The following CDYL2 variants were observed in gnomAD, a reference collection of about 807,000 sequenced individuals.
CDYL2 encodes the protein chromodomain Y like 2.
In CDYL2, 23 loss-of-function variants were observed where a neutral mutation model predicts 49.4. The observed-to-expected ratio is 0.47, with a 90% CI of 0.34 to 0.66. The LOEUF (loss-of-function observed/expected upper bound fraction) is 0.66. CDYL2 is among the 30% of genes least tolerant of loss of function. The pLI, the probability that CDYL2 is intolerant of heterozygous loss-of-function variation, is 0.01. For missense variants in CDYL2, 678 were observed against 656.4 expected (o/e 1.03, Z -0.36); for synonymous variants, 360 against 268.8 (o/e 1.34, Z -3.32).
Position 80,710,553 on chromosome 16 carries a change from G to A in CDYL2, c.25-25424C>T, listed in dbSNP as rs150764381. On this transcript the variant is annotated intron_variant, in intron 1 of 6. Coordinates refer to ENST00000570137, the MANE Select transcript of CDYL2 (RefSeq NM_152342.4). Reference sequence around the variant, plus strand: ...CAAACATTTTAACTGAAAAGACTATGTAACCAAGTAGTAAATAACTACAGT... The same window carrying A: ...CAAACATTTTAACTGAAAAGACTATATAACCAAGTAGTAAATAACTACAGT... Among the ~76,000 whole-genome samples the A allele has an allele frequency of 5.3e-3, 805 of 152,266 alleles. 8 individuals carry two copies. Among genetic ancestry groups the A allele is most frequent in the African/African-American group, 0.018 (730 of 41,546 alleles).
intron 1 of CDYL2, among the ~76,000 whole-genome samples, chr16:80,719,807 G>C (rs1269093381): frequency 6.6e-6 from 1 of 152,204 alleles, no homozygotes; most frequent in Admixed American, 6.5e-5. Flanking sequence ...GCCCGTGTCT[G>C]TCCACACAGG....
chr16:80,623,560 C>T (rs551662197), intron 3 of CDYL2, among the ~76,000 whole-genome samples: 33 of 152,326 alleles, frequency 2.2e-4, no homozygotes, highest in African/African-American at 7.0e-4. Context: ...TGGACCCCAG[C>T]CCAGACCGAC....
At chr16:80,792,043 T>C (rs1907627126) in intron 1 of CDYL2, among the ~76,000 whole-genome samples, 1 of 152,192 alleles carries the variant, frequency 6.6e-6, no homozygotes, top group African/African-American at 2.4e-5. Context: ...ACATGGCATC[T>C]GCGCAAAACA....
intron 3 of CDYL2, among the ~76,000 whole-genome samples, chr16:80,628,613 A>G (rs1009310941): frequency 2.0e-5 from 3 of 152,232 alleles, no homozygotes; most frequent in South Asian, 2.1e-4. Context: ...GACCCACAGC[A>G]ATTATGAGAC....
At chr16:80,715,179 T>C (rs1904755113) in intron 1 of CDYL2, among the ~76,000 whole-genome samples, 1 of 151,950 alleles carries the variant, frequency 6.6e-6, no homozygotes, top group South Asian at 2.1e-4. Flanking sequence ...GCCATGTGGG[T>C]CAGGTCAGCA....
At chr16:80,803,482 C>T (rs1465632856) in intron 1 of CDYL2, among the ~76,000 whole-genome samples, 1 of 152,096 alleles carries the variant, frequency 6.6e-6, no homozygotes, top group Admixed American at 6.5e-5. Context: ...GCCACCCCCA[C>T]GCCCGAGCCC....
intron 1 of CDYL2, among the ~76,000 whole-genome samples, chr16:80,734,227 C>G (rs879727460): frequency 2.0e-5 from 3 of 152,106 alleles, no homozygotes; most frequent in African/African-American, 4.8e-5. Context: ...ATATATAAAT[C>G]TTGTTGCATA....
chr16:80,654,150 C>A (rs1371074830), intron 2 of CDYL2, among the ~76,000 whole-genome samples: 1 of 152,232 alleles, frequency 6.6e-6, no homozygotes, highest in Admixed American at 6.5e-5. Context: ...GAGACGCAGA[C>A]AGGCACTGAC....
intron 1 of CDYL2, among the ~76,000 whole-genome samples, chr16:80,696,708 T>C (rs1168675892): frequency 3.3e-5 from 5 of 150,520 alleles, no homozygotes; most frequent in East Asian, 3.9e-4. Flanking sequence ...AGTAACAAGA[T>C]GGAAGAGTAA....
intron 1 of CDYL2, among the ~76,000 whole-genome samples, chr16:80,797,009 T>C (rs1907786438): frequency 6.6e-6 from 1 of 152,192 alleles, no homozygotes; most frequent in South Asian, 2.1e-4. Flanking sequence ...CTCTTTTTTT[T>C]CTACCTCTCT....
intron 2 of CDYL2, among the ~76,000 whole-genome samples, chr16:80,684,110 T>C (rs144718224): frequency 1.3e-5 from 2 of 152,282 alleles, no homozygotes; most frequent in Non-Finnish European, 2.9e-5. Context: ...CTCTCTGGGC[T>C]ACACTGCTGG....
At chr16:80,651,966 G>A (rs1051021578) in intron 2 of CDYL2, among the ~76,000 whole-genome samples, 9 of 152,158 alleles carry the variant, frequency 5.9e-5, no homozygotes, top group African/African-American at 1.9e-4. Context: ...ATGTGACCAC[G>A]GGTTAGAGTT....
rs368116348 is a variant in CDYL2, at chr16:80,684,556, G to C, written c.598C>G (p.Leu200Val). 163 of 1,613,800 alleles carry C rather than the reference G, an allele frequency of 1.0e-4. 1 individual carries two copies. The African/African-American group carries it at 1.1e-3, about 11-fold the overall frequency. The change falls in exon 2 of 7, where the codon CTG (leucine) becomes GTG (valine). Residue 200 changes from leucine to valine, a missense_variant. Leu to Val is a conservative substitution (Grantham distance 32). Coordinates refer to ENST00000570137, the MANE Select transcript of CDYL2 (RefSeq NM_152342.4). Reference sequence around the variant, plus strand: ...TACAAACCGAGCCCGTTCTCCGCCAGTGTAGCGTGATTCACGTCACATTCA... The same window carrying C: ...TACAAACCGAGCCCGTTCTCCGCCACTGTAGCGTGATTCACGTCACATTCA... ...MGECDVNHAT[L>V]AENGLGSALT... is the part of the protein sequence containing the mutation.
intron 3 of CDYL2, chr16:80,628,342 G>A (rs910551311): frequency 6.6e-6 from 1 of 152,254 alleles, no homozygotes; most frequent in Non-Finnish European, 1.5e-5. Flanking sequence ...GAGGAGAATA[G>A]GTGACAAAAG....
chr16:80,656,162 AAAG>A (rs1236192597), intron 2 of CDYL2, among the ~76,000 whole-genome samples: 2 of 152,256 alleles, frequency 1.3e-5, no homozygotes, highest in Non-Finnish European at 2.9e-5. Context: ...TCAATCAATT[AAAG>A]AACTGACCTG....
chr16:80,665,466 G>A (rs868534401), intron 2 of CDYL2, among the ~76,000 whole-genome samples: 1 of 131,390 alleles, frequency 7.6e-6, no homozygotes, highest in African/African-American at 2.9e-5. Flanking sequence ...CTGCCACCAA[G>A]TATTAGGTTG....
At chr16:80,701,219 T>C (rs1051739905) in intron 1 of CDYL2, among the ~76,000 whole-genome samples, 1 of 152,244 alleles carries the variant, frequency 6.6e-6, no homozygotes, top group Non-Finnish European at 1.5e-5. Flanking sequence ...TGTCTTAATG[T>C]ACAGTATGAT....
intron 1 of CDYL2, among the ~76,000 whole-genome samples, chr16:80,745,710 T>C (rs533184959): frequency 2.0e-5 from 3 of 152,302 alleles, no homozygotes; most frequent in African/African-American, 7.2e-5. Flanking sequence ...CTGCCCTAGA[T>C]TTAGCTTTTG....
chr16:80,767,552 G>C (rs1906767992), intron 1 of CDYL2, among the ~76,000 whole-genome samples: 1 of 152,134 alleles, frequency 6.6e-6, no homozygotes, highest in African/African-American at 2.4e-5. Flanking sequence ...TAAAATATGA[G>C]CACCTAATGG....
Sources: allele counts gnomAD v4.1 joint callset (sites outside exome capture counted in the v4.1 genomes callset), GRCh38; gene constraint gnomAD v4.1.1; transcripts MANE v1.5; gene names NCBI Gene and HGNC (gene_info 2026-07-23, HGNC 2026-07-21).